The following UNC13C variants were observed in gnomAD, a reference collection of about 807,000 sequenced individuals.
The protein encoded by UNC13C is protein unc-13 homolog C.
In UNC13C, 174 loss-of-function variants were observed where a neutral mutation model predicts 245.4. The observed-to-expected ratio is 0.71, with a 90% CI of 0.63 to 0.80. UNC13C has a LOEUF of 0.80. UNC13C is among the 30% of genes least tolerant of loss of function. The pLI, the probability that UNC13C is intolerant of heterozygous loss-of-function variation, is 0.00. For synonymous variants in UNC13C, 992 were observed against 895.1 expected, an observed-to-expected ratio of 1.11 and a Z score of -1.93; for missense variants, 2,829 against 2,602.9, an observed-to-expected ratio of 1.09 and a Z score of -1.89.
At chr15:54,130,113 C>A (rs945065132) in intron 2 of UNC13C, among the ~76,000 whole-genome samples, 3 of 151,422 alleles carry the variant, frequency 2.0e-5, no homozygotes, top group Admixed American at 1.3e-4. Context: ...ATTATGATTT[C>A]TTTTCCTATA....
chr15:54,148,834 C>T (rs1217372576), intron 4 of UNC13C, among the ~76,000 whole-genome samples: 1 of 152,306 alleles, frequency 6.6e-6, no homozygotes, highest in Non-Finnish European at 1.5e-5. Flanking sequence ...CGGCACCATC[C>T]TTGCATGCTC....
At chr15:54,006,140 G>A (rs1027716577) in intron 1 of UNC13C, among the ~76,000 whole-genome samples, 3 of 152,144 alleles carry the variant, frequency 2.0e-5, no homozygotes, top group Non-Finnish European at 4.4e-5. Context: ...TTACCATGAA[G>A]ATTATTTGAG....
the UNC13C span, among the ~76,000 whole-genome samples, chr15:53,927,879 A>C: frequency 6.6e-6 from 1 of 152,230 alleles, no homozygotes; most frequent in Admixed American, 6.5e-5. Context: ...TGTCTCTAAG[A>C]GTAGAAGAAT....
chr15:53,972,800 A>G, the UNC13C span: 3 of 152,190 alleles, frequency 2.0e-5, no homozygotes, highest in Admixed American at 1.3e-4. Flanking sequence ...AAAAAAGGAA[A>G]GGAAGTCATT....
At position 54,489,067 on chromosome 15, in the gene UNC13C, ATTAG is replaced by A. The variant is rs1480340029; in HGVS notation, c.4934-5536_4934-5533del. Reference sequence around the variant, plus strand: ...ATCTTACATTGATTATTTGGTAGGCATTAGTTAGGATATAATTGTAGTTTATTTT... The same window carrying A: ...ATCTTACATTGATTATTTGGTAGGCATTAGGATATAATTGTAGTTTATTTT... On this transcript the variant is annotated intron_variant, in intron 19 of 32. Coordinates refer to ENST00000260323, the MANE Select transcript of UNC13C (RefSeq NM_001080534.3). Among the ~76,000 whole-genome samples the A allele has an allele frequency of 1.3e-4, 20 of 152,292 alleles. No homozygotes were observed. In the East Asian group the frequency reaches 3.9e-3, roughly 29 times the overall value.
At chr15:54,028,724 G>C (rs974605109) in intron 2 of UNC13C, among the ~76,000 whole-genome samples, 2 of 114,824 alleles carry the variant, frequency 1.7e-5, no homozygotes, top group African/African-American at 6.8e-5. Flanking sequence ...GTCTCGCTCT[G>C]TTGTCATCCA....
intron 4 of UNC13C, among the ~76,000 whole-genome samples, chr15:54,173,427 A>G (rs1279594302): frequency 6.6e-6 from 1 of 152,044 alleles, no homozygotes; most frequent in East Asian, 1.9e-4. Flanking sequence ...TACATTGTAC[A>G]GTTACTGCAC....
chr15:54,577,800 A>G (rs1898023344), intron 30 of UNC13C, among the ~76,000 whole-genome samples: 1 of 152,050 alleles, frequency 6.6e-6, no homozygotes, highest in South Asian at 2.1e-4. Context: ...AAATTCCTCA[A>G]ATTCTGGTTT....
At chr15:54,258,458 G>A (rs567807119) in intron 8 of UNC13C, among the ~76,000 whole-genome samples, 2 of 152,188 alleles carry the variant, frequency 1.3e-5, no homozygotes, top group Admixed American at 1.3e-4. Context: ...TCACCTGCCG[G>A]GTTCAAGCCA....
At chr15:54,626,390 A>C (rs1182355555) in intron 32 of UNC13C, among the ~76,000 whole-genome samples, 5 of 151,214 alleles carry the variant, frequency 3.3e-5, no homozygotes, top group African/African-American at 9.7e-5. Context: ...AGACTCCTAG[A>C]TATAATAGCT....
the UNC13C span, among the ~76,000 whole-genome samples, chr15:53,964,476 A>T: frequency 6.6e-6 from 1 of 152,204 alleles, no homozygotes; most frequent in Admixed American, 6.5e-5. Flanking sequence ...TTCTTCAAAT[A>T]ATTACTGGGT....
the UNC13C span, among the ~76,000 whole-genome samples, chr15:53,898,205 A>AT: frequency 1.3e-4 from 19 of 147,628 alleles, no homozygotes; most frequent in East Asian, 5.9e-4. Flanking sequence ...AACCACCACC[A>AT]CCATCATCAT....
chr15:53,989,175 G>A (rs992691506), intron 1 of UNC13C, among the ~76,000 whole-genome samples: 3 of 151,882 alleles, frequency 2.0e-5, no homozygotes, highest in Admixed American at 1.3e-4. Context: ...TTTTGAATTT[G>A]TTAAATAGAT....
At chr15:54,438,211 C>T (rs932264849) in intron 19 of UNC13C, among the ~76,000 whole-genome samples, 1 of 151,924 alleles carries the variant, frequency 6.6e-6, no homozygotes, top group Admixed American at 6.6e-5. Flanking sequence ...CATAGAACTT[C>T]TAAACTGCAT....
chr15:54,393,550 G>A (rs528354117), intron 18 of UNC13C, among the ~76,000 whole-genome samples: 1 of 151,916 alleles, frequency 6.6e-6, no homozygotes, highest in South Asian at 2.1e-4. Context: ...TTGCATTGTG[G>A]CTTTTTAATA....
chr15:54,486,081 G>T (rs1025817146), intron 19 of UNC13C, among the ~76,000 whole-genome samples: 1 of 152,134 alleles, frequency 6.6e-6, no homozygotes, highest in African/African-American at 2.4e-5. Flanking sequence ...CAGGGACACC[G>T]TGTCTTTTTC....
chr15:54,338,601 C>G, intron 17 of UNC13C, 112 bp downstream of exon 17: 5 of 1,222,658 alleles, frequency 4.1e-6, no homozygotes, highest in Non-Finnish European at 4.5e-6. Context: ...TTCACATTAA[C>G]TGCAAATTTG....
chr15:54,037,184 T>C (rs1420881096), intron 2 of UNC13C, among the ~76,000 whole-genome samples: 1 of 152,242 alleles, frequency 6.6e-6, no homozygotes, highest in Non-Finnish European at 1.5e-5. Flanking sequence ...TCCATCTGTT[T>C]TGAGTACTAG....
At chr15:54,547,817 C>G (rs1178381120) in intron 27 of UNC13C, among the ~76,000 whole-genome samples, 1 of 152,116 alleles carries the variant, frequency 6.6e-6, no homozygotes, top group Non-Finnish European at 1.5e-5. Flanking sequence ...CACACACATA[C>G]ACATTCTACT....
Sources: gnomAD v4.1 joint callset for allele counts (sites outside exome capture counted in the v4.1 genomes callset) on GRCh38, gnomAD v4.1.1 for gene constraint, MANE v1.5 for transcripts, NCBI Gene and HGNC (gene_info 2026-07-23, HGNC 2026-07-21) for gene names.